The following ALK variants were observed in gnomAD, a reference collection of about 807,000 sequenced individuals.
The protein encoded by ALK is ALK tyrosine kinase receptor.
A neutral mutation model predicts 163.1 loss-of-function variants in ALK; 74 were observed. That is an observed-to-expected ratio of 0.45 (90% CI 0.38 to 0.55). The LOEUF (loss-of-function observed/expected upper bound fraction) is 0.55. ALK is among the 20% of genes least tolerant of loss of function. The pLI is 0.00. For synonymous variants in ALK, 960 were observed against 843.2 expected (o/e 1.14, Z -2.40); for missense variants, 2,063 against 2,105.3 (o/e 0.98, Z 0.39).
intron 1 of ALK, among the ~76,000 whole-genome samples, chr2:29,822,229 A>C (rs1396632791): frequency 6.6e-6 from 1 of 152,208 alleles, no homozygotes; most frequent in Non-Finnish European, 1.5e-5. Context: ...CCCCTATCTA[A>C]CGAGGAGATC....
chr2:29,483,056 G>A (rs899746927), intron 4 of ALK, among the ~76,000 whole-genome samples: 1 of 152,202 alleles, frequency 6.6e-6, no homozygotes, highest in African/African-American at 2.4e-5. Flanking sequence ...AACCCAAAGG[G>A]CAGGAACTTG....
intron 1 of ALK, among the ~76,000 whole-genome samples, chr2:29,741,601 G>A (rs1680058693): frequency 6.6e-6 from 1 of 152,220 alleles, no homozygotes; most frequent in South Asian, 2.1e-4. Flanking sequence ...AAGTTGAGCT[G>A]CTTGGTTATT....
At chr2:29,800,944 C>A (rs55724883) in intron 1 of ALK, among the ~76,000 whole-genome samples, 5,507 of 152,282 alleles carry the variant, frequency 0.036, 149 homozygotes, top group South Asian at 0.12. Context: ...CTCCTGTGGG[C>A]TCCCGTGGGC....
At chr2:29,662,373 C>G (rs1300257348) in intron 3 of ALK, among the ~76,000 whole-genome samples, 1 of 152,138 alleles carries the variant, frequency 6.6e-6, no homozygotes, top group Admixed American at 6.6e-5. Flanking sequence ...TCATGGCCAC[C>G]TCTAACTTCA....
chr2:29,493,433 A>G (rs1671951308), intron 4 of ALK, among the ~76,000 whole-genome samples: 1 of 152,178 alleles, frequency 6.6e-6, no homozygotes, highest in Non-Finnish European at 1.5e-5. Flanking sequence ...CCCATAACAG[A>G]ATGAGCTGTC....
rs1165966037 is a variant in ALK, at chr2:29,674,112, G to A, written c.952+20738C>T. On this transcript the variant is annotated intron_variant, in intron 3 of 28. Coordinates refer to ENST00000389048, the MANE Select transcript of ALK (RefSeq NM_004304.5). ...GGTTTTCTAGATATACAATCATGTCGTCTGCAAACAGGGACAATTTGACTT... is the reference window on the plus strand; with the variant it reads ...GGTTTTCTAGATATACAATCATGTCATCTGCAAACAGGGACAATTTGACTT... Among the ~76,000 whole-genome samples the A allele has an allele frequency of 4.5e-4, 67 of 148,854 alleles. 1 individual carries two copies. The highest frequency in any genetic ancestry group is 2.4e-3 in the East Asian group (12 of 5,044).
rs187554241 is a variant in ALK, at chr2:29,486,011, G to A, written c.1154+45904C>T. On this transcript the variant is annotated intron_variant, in intron 4 of 28. Coordinates refer to ENST00000389048, the MANE Select transcript of ALK (RefSeq NM_004304.5). Reference sequence around the variant, plus strand: ...GGCCAAATTCCTGGCTGTATGGACTGCTTCCCGCCCCAGAGCTCAGCTGGC... The same window carrying A: ...GGCCAAATTCCTGGCTGTATGGACTACTTCCCGCCCCAGAGCTCAGCTGGC... Among the ~76,000 whole-genome samples, 320 of 152,236 alleles carry A rather than the reference G, an allele frequency of 2.1e-3. 2 individuals carry two copies. Among genetic ancestry groups the A allele is most frequent in the Middle Eastern group, 0.014 (4 of 294 alleles).
chr2:29,854,236 T>G (rs1161049642), intron 1 of ALK, among the ~76,000 whole-genome samples: 1 of 152,176 alleles, frequency 6.6e-6, no homozygotes, highest in Non-Finnish European at 1.5e-5. Flanking sequence ...TATAATTTAT[T>G]TAGGCAATGA....
chr2:29,887,167 G>A (rs548376076), intron 1 of ALK, among the ~76,000 whole-genome samples: 1 of 152,272 alleles, frequency 6.6e-6, no homozygotes, highest in South Asian at 2.1e-4. Context: ...CAAAATTCAG[G>A]CATGGTTTTA....
At chr2:29,846,973 A>G (rs1285311928) in intron 1 of ALK, among the ~76,000 whole-genome samples, 5 of 152,210 alleles carry the variant, frequency 3.3e-5, no homozygotes, top group African/African-American at 1.2e-4. Context: ...TAGAATTTGT[A>G]AACACACGTA....
chr2:29,699,532 A>G (rs1558448461), intron 2 of ALK, among the ~76,000 whole-genome samples: 1 of 152,248 alleles, frequency 6.6e-6, no homozygotes, highest in South Asian at 2.1e-4. Context: ...ACAATAGATG[A>G]GAAACCAATG....
intron 4 of ALK, among the ~76,000 whole-genome samples, chr2:29,402,551 G>C (rs1395584580): frequency 6.6e-6 from 1 of 152,222 alleles, no homozygotes; most frequent in Non-Finnish European, 1.5e-5. Flanking sequence ...ATAGAAGAGT[G>C]CTTTGAAGAT....
intron 1 of ALK, among the ~76,000 whole-genome samples, chr2:29,780,577 T>A (rs889668591): frequency 1.3e-5 from 2 of 152,096 alleles, no homozygotes; most frequent in African/African-American, 2.4e-5. Flanking sequence ...CATGACAGGG[T>A]CAAATGGAGT....
At position 29,472,441 on chromosome 2, in the gene ALK, C is replaced by G. The variant is rs183186549; in HGVS notation, c.1154+59474G>C. 3.9e-5 allele frequency among the ~76,000 whole-genome samples: 6 copies of G among 152,330 alleles called. No individual in the cohort carries two copies. In the East Asian group the frequency reaches 1.2e-3, roughly 29 times the overall value. On this transcript the variant is annotated intron_variant, in intron 4 of 28. Coordinates refer to ENST00000389048, the MANE Select transcript of ALK (RefSeq NM_004304.5). ...TGGAACGGAAGGAAACTTCCTCAATCTGACAAATGGTATCTCTGAATATCC... is the reference window on the plus strand; with the variant it reads ...TGGAACGGAAGGAAACTTCCTCAATGTGACAAATGGTATCTCTGAATATCC...
intron 3 of ALK, among the ~76,000 whole-genome samples, chr2:29,647,986 T>C (rs1277304562): frequency 2.6e-5 from 4 of 152,124 alleles, no homozygotes; most frequent in African/African-American, 9.7e-5. Flanking sequence ...ATGACAAAGT[T>C]ATCATGTTCA....
At chr2:29,316,444 G>T (rs1666838211) in intron 8 of ALK, among the ~76,000 whole-genome samples, 4 of 152,178 alleles carry the variant, frequency 2.6e-5, no homozygotes, top group African/African-American at 9.7e-5. Context: ...AAACAGGCCA[G>T]TAAAACGAAA....
At chr2:29,875,490 T>C (rs555083619) in intron 1 of ALK, among the ~76,000 whole-genome samples, 2 of 152,336 alleles carry the variant, frequency 1.3e-5, no homozygotes, top group Non-Finnish European at 2.9e-5. Context: ...TAGGTATACC[T>C]GTGCCACGGT....
At chr2:29,907,438 A>G (rs1667581574) in intron 1 of ALK, among the ~76,000 whole-genome samples, 1 of 151,914 alleles carries the variant, frequency 6.6e-6, no homozygotes, top group African/African-American at 2.4e-5. Context: ...CTCTCTCTAA[A>G]CTTCCTTCTG....
At chr2:29,322,029 A>G (rs1667069821) in intron 6 of ALK, among the ~76,000 whole-genome samples, 1 of 152,200 alleles carries the variant, frequency 6.6e-6, no homozygotes, top group South Asian at 2.1e-4. Flanking sequence ...CAGGAAAGGC[A>G]CTCAGCCCTA....
Sources: gnomAD v4.1 joint callset for allele counts (sites outside exome capture counted in the v4.1 genomes callset) on GRCh38, gnomAD v4.1.1 for gene constraint, MANE v1.5 for transcripts, NCBI Gene and HGNC (gene_info 2026-07-23, HGNC 2026-07-21) for gene names.